The following SLC35F4 variants were observed in gnomAD, a reference collection of about 807,000 sequenced individuals.
The protein encoded by SLC35F4 is chromosome 14 open reading frame 36.
A neutral mutation model predicts 44.2 loss-of-function variants in SLC35F4; 24 were observed. That is an observed-to-expected ratio of 0.54 (90% CI 0.39 to 0.76). The LOEUF is 0.76. Ranked by LOEUF, SLC35F4 falls within the 30% of genes least tolerant of loss-of-function variation. SLC35F4 has a pLI of 0.00. For missense variants in SLC35F4, 562 were observed against 586.1 expected (o/e 0.96, Z 0.42); for synonymous variants, 238 against 223.6 (o/e 1.06, Z -0.57).
chr14:57,619,355 A>T (rs1441327307), intron 1 of SLC35F4, among the ~76,000 whole-genome samples: 1 of 152,118 alleles, frequency 6.6e-6, no homozygotes, highest in Non-Finnish European at 1.5e-5. Context: ...ACAGGCAGCA[A>T]TCTTTTCTGT....
chr14:57,891,932 T>C (rs570198346), intron 1 of SLC35F4, among the ~76,000 whole-genome samples: 90 of 152,306 alleles, frequency 5.9e-4, no homozygotes, highest in Non-Finnish European at 1.0e-3. Flanking sequence ...TCTGGGTCAG[T>C]AGTTCTCAGA....
chr14:57,936,294 C>T (rs768650868), intron 1 of SLC35F4, among the ~76,000 whole-genome samples: 217 of 152,252 alleles, frequency 1.4e-3, no homozygotes, highest in Non-Finnish European at 2.7e-3. Context: ...AAGGATAAGC[C>T]TACAGAGATG....
intron 1 of SLC35F4, among the ~76,000 whole-genome samples, chr14:57,827,925 C>G (rs1039643958): frequency 1.3e-5 from 2 of 152,076 alleles, no homozygotes; most frequent in African/African-American, 4.8e-5. Context: ...ACCAAGATTT[C>G]AGCTAATAAC....
chr14:57,658,127 TAGAG>T (rs997930099), intron 1 of SLC35F4, among the ~76,000 whole-genome samples: 2 of 152,188 alleles, frequency 1.3e-5, no homozygotes, highest in African/African-American at 4.8e-5. Context: ...TTCTTCCAAA[TAGAG>T]AGCATAGTTA....
intron 1 of SLC35F4, among the ~76,000 whole-genome samples, chr14:57,913,500 G>A (rs535314383): frequency 6.6e-6 from 1 of 152,020 alleles, no homozygotes; most frequent in South Asian, 2.1e-4. Flanking sequence ...ACTAATCTAA[G>A]TCCACTTTCA....
chr14:57,796,225 C>T (rs979695468), intron 1 of SLC35F4, among the ~76,000 whole-genome samples: 2 of 152,174 alleles, frequency 1.3e-5, no homozygotes, highest in African/African-American at 4.8e-5. Context: ...TTCCATGTCT[C>T]TGTCATTGTG....
At chr14:57,783,854 G>A (rs573026220) in intron 1 of SLC35F4, among the ~76,000 whole-genome samples, 65 of 152,210 alleles carry the variant, frequency 4.3e-4, no homozygotes, top group African/African-American at 1.5e-3. Context: ...CATTACACAA[G>A]ATATTCTATG....
At chr14:57,860,859 C>T (rs1377412578) in intron 1 of SLC35F4, among the ~76,000 whole-genome samples, 1 of 152,108 alleles carries the variant, frequency 6.6e-6, no homozygotes, top group Admixed American at 6.5e-5. Context: ...ATCTAGATTT[C>T]CTCTTCTCTG....
chr14:57,907,852 A>G (rs1428254398), intron 1 of SLC35F4, among the ~76,000 whole-genome samples: 1 of 152,112 alleles, frequency 6.6e-6, no homozygotes, highest in Non-Finnish European at 1.5e-5. Context: ...TCTGGGATAA[A>G]TGTACAGAAC....
intron 1 of SLC35F4, among the ~76,000 whole-genome samples, chr14:57,594,690 C>T (rs2139932751): frequency 6.6e-6 from 1 of 152,334 alleles, no homozygotes; most frequent in African/African-American, 2.4e-5. Flanking sequence ...CTACCCTTTT[C>T]TTCCTAAGGC....
At chr14:57,578,095 ATGT>A (rs1309519766) in intron 4 of SLC35F4, among the ~76,000 whole-genome samples, 1 of 138,848 alleles carries the variant, frequency 7.2e-6, no homozygotes, top group African/African-American at 2.6e-5. Flanking sequence ...CATATTTATG[ATGT>A]TGTAACTTAA....
chr14:57,841,266 G>A (rs1280303066), intron 1 of SLC35F4, among the ~76,000 whole-genome samples: 1 of 152,184 alleles, frequency 6.6e-6, no homozygotes, highest in Admixed American at 6.5e-5. Flanking sequence ...TGAGCAGGTT[G>A]TGATCCAGAA....
intron 1 of SLC35F4, among the ~76,000 whole-genome samples, chr14:57,632,969 T>C (rs994207938): frequency 6.6e-6 from 1 of 152,086 alleles, no homozygotes; most frequent in Non-Finnish European, 1.5e-5. Flanking sequence ...CAGAATGTCA[T>C]ATCATTGGAC....
At chr14:57,898,393 A>G (rs1888929571) in intron 1 of SLC35F4, among the ~76,000 whole-genome samples, 1 of 152,236 alleles carries the variant, frequency 6.6e-6, no homozygotes, top group Non-Finnish European at 1.5e-5. Flanking sequence ...TTTCTGTCTG[A>G]GTTTAAGAAA....
intron 1 of SLC35F4, among the ~76,000 whole-genome samples, chr14:57,758,512 CCA>C (rs1327238997): frequency 6.6e-6 from 1 of 151,814 alleles, no homozygotes; most frequent in Non-Finnish European, 1.5e-5. Flanking sequence ...TGATTTGATT[CCA>C]GTCATATATA....
intron 1 of SLC35F4, among the ~76,000 whole-genome samples, chr14:57,738,914 G>C (rs1238763547): frequency 6.6e-6 from 1 of 151,140 alleles, no homozygotes; most frequent in East Asian, 1.9e-4. Context: ...TGATTCAGGA[G>C]AAATCTAGGA....
At chr14:57,921,003 T>C (rs951539784) in intron 1 of SLC35F4, among the ~76,000 whole-genome samples, 2 of 152,228 alleles carry the variant, frequency 1.3e-5, no homozygotes, top group African/African-American at 2.4e-5. Flanking sequence ...CAATTGAAGA[T>C]GATTTCATGT....
chr14:57,769,510 A>T (rs2077310783), intron 1 of SLC35F4, among the ~76,000 whole-genome samples: 1 of 152,230 alleles, frequency 6.6e-6, no homozygotes, highest in Admixed American at 6.5e-5. Context: ...CAGTGTCACA[A>T]ATCCATCATC....
chr14:57,887,673 C>G (rs556868812), intron 1 of SLC35F4, among the ~76,000 whole-genome samples: 65 of 152,148 alleles, frequency 4.3e-4, no homozygotes, highest in Non-Finnish European at 8.5e-4. Flanking sequence ...GTCAAGGGAG[C>G]TGCTGCTCAC....
Sources: allele counts gnomAD v4.1 joint callset (sites outside exome capture counted in the v4.1 genomes callset), GRCh38; gene constraint gnomAD v4.1.1; transcripts MANE v1.5; gene names NCBI Gene and HGNC (gene_info 2026-07-23, HGNC 2026-07-21).